Variants in KLF17 observed in about 807,000 individuals in gnomAD.
KLF17 encodes Krueppel-like factor 17.
A neutral mutation model predicts 34.2 loss-of-function variants in KLF17; 31 were observed. That is an observed-to-expected ratio of 0.91 (90% CI 0.68 to 1.22). The LOEUF (loss-of-function observed/expected upper bound fraction) is 1.22, where lower values mean the gene tolerates loss of function less well. KLF17 is among the 50% of genes most tolerant of loss of function. The probability of loss-of-function intolerance (pLI) is 0.00; values close to 1 mark genes in which losing one functional copy is unlikely to be tolerated. For missense variants in KLF17, 478 were observed against 505.2 expected, an observed-to-expected ratio of 0.95 and a Z score of 0.52; for synonymous variants, 179 against 186.7, an observed-to-expected ratio of 0.96 and a Z score of 0.34.
chr1:44,104,141 C>A, the KLF17 span: 2 of 1,049,676 alleles, frequency 1.9e-6, no homozygotes, highest in South Asian at 2.5e-5. Flanking sequence ...CCAGGCCAGA[C>A]TCCAGCTCTA....
At chr1:44,114,247 T>C (rs780952034), upstream of KLF17, 3 of 152,224 alleles carry the variant, frequency 2.0e-5, no homozygotes, top group Non-Finnish European at 4.4e-5. Context: ...TGGTTGCTAA[T>C]GAAGCGAGAA....
chr1:44,122,874 C>G (rs546794973), intron 1 of KLF17, among the ~76,000 whole-genome samples: 106 of 152,288 alleles, frequency 7.0e-4, no homozygotes, highest in African/African-American at 2.1e-3. Context: ...ACTAGAATTA[C>G]AGGCATGAGC....
chr1:44,048,543 C>T, the KLF17 span: 1 of 152,184 alleles, frequency 6.6e-6, no homozygotes, highest in Non-Finnish European at 1.5e-5. Flanking sequence ...GTACTGCACT[C>T]TTTTTGTGTT....
chr1:44,073,982 TAGAATAGTTCCTGGCACGC>T, the KLF17 span, among the ~76,000 whole-genome samples: 1 of 152,316 alleles, frequency 6.6e-6, no homozygotes, highest in South Asian at 2.1e-4. Flanking sequence ...CCCCAACTCT[TAGAATAGTTCCTGGCACGC>T]AGTAGCTGCC....
chr1:44,107,643 A>T, the KLF17 span, among the ~76,000 whole-genome samples: 1 of 152,234 alleles, frequency 6.6e-6, no homozygotes, highest in African/African-American at 2.4e-5. Flanking sequence ...CACTCTGTCT[A>T]TGCTACCCTT....
chr1:44,067,577 C>A, the KLF17 span, among the ~76,000 whole-genome samples: 1 of 152,154 alleles, frequency 6.6e-6, no homozygotes, highest in Admixed American at 6.5e-5. Context: ...AGCCTGGACC[C>A]ACAGGGAGCA....
intron 1 of KLF17, among the ~76,000 whole-genome samples, chr1:44,126,566 G>T (rs1032611571): frequency 7.0e-6 from 1 of 142,072 alleles, no homozygotes; most frequent in Non-Finnish European, 1.6e-5. Context: ...GAGGATACAG[G>T]TTCCTGGTGC....
At chr1:44,125,257 G>T (rs2087994194) in intron 1 of KLF17, among the ~76,000 whole-genome samples, 1 of 152,136 alleles carries the variant, frequency 6.6e-6, no homozygotes. Flanking sequence ...GTCTACCTGG[G>T]AATGTCTAAT....
the KLF17 span, chr1:44,104,502 T>C: frequency 1.3e-6 from 1 of 755,296 alleles, no homozygotes; most frequent in Admixed American, 1.7e-5. Context: ...CTGCTCCTTC[T>C]CCTGGGTGCG....
At chr1:44,102,888 T>C in the KLF17 span, among the ~76,000 whole-genome samples, 3 of 151,972 alleles carry the variant, frequency 2.0e-5, no homozygotes, top group Non-Finnish European at 2.9e-5. Context: ...GTCATATATA[T>C]AATATAATAT....
At chr1:44,103,759 G>T in the KLF17 span, 1 of 1,155,372 alleles carries the variant, frequency 8.7e-7, no homozygotes, top group Non-Finnish European at 1.3e-6. Context: ...TCCTCAGGCT[G>T]CTCGGCATCT....
chr1:44,127,123 G>A lies in KLF17; in HGVS notation c.82-2230G>A, dbSNP rs576899204. 2.1e-4 allele frequency among the ~76,000 whole-genome samples: 32 copies of A among 149,656 alleles called. No homozygotes were observed. The South Asian group carries it at 5.9e-3, about 28-fold the overall frequency. ...GAGGATTCCCTATGTTGCTCAGGCT[G>A]GTCTTGAACTCCTGGACTCAAGAGA... On this transcript the variant is annotated intron_variant, in intron 1 of 3. Coordinates refer to ENST00000372299, the MANE Select transcript of KLF17 (RefSeq NM_173484.4).
At chr1:44,087,093 T>C in the KLF17 span, among the ~76,000 whole-genome samples, 1 of 152,220 alleles carries the variant, frequency 6.6e-6, no homozygotes, top group East Asian at 1.9e-4. Context: ...CTAATACAAA[T>C]TGAGGGTTGA....
At chr1:44,096,870 G>C in the KLF17 span, among the ~76,000 whole-genome samples, 1 of 152,102 alleles carries the variant, frequency 6.6e-6, no homozygotes, top group African/African-American at 2.4e-5. Flanking sequence ...TGTTGCCATT[G>C]CTTTTGGTGT....
the KLF17 span, among the ~76,000 whole-genome samples, chr1:44,078,540 C>T: frequency 6.6e-6 from 1 of 151,524 alleles, no homozygotes; most frequent in Admixed American, 6.6e-5. Context: ...TGGGTTCAAG[C>T]AATTCCCCTG....
the KLF17 span, among the ~76,000 whole-genome samples, chr1:44,077,040 C>CT: frequency 1.6e-4 from 23 of 147,022 alleles, no homozygotes; most frequent in African/African-American, 5.7e-4. Flanking sequence ...CAGCCTTTTT[C>CT]TTTCTTTTTT....
At chr1:44,055,953 A>C in the KLF17 span, among the ~76,000 whole-genome samples, 1 of 152,348 alleles carries the variant, frequency 6.6e-6, no homozygotes, top group South Asian at 2.1e-4. Context: ...ACGAATATTT[A>C]CCCATGTCTC....
At chr1:44,127,692 T>TTCTTTCTTTCTTTCTTTCTTTTTCTTTC (rs753421834) in intron 1 of KLF17, among the ~76,000 whole-genome samples, 2 of 90,136 alleles carry the variant, frequency 2.2e-5, no homozygotes, top group African/African-American at 5.5e-5. Context: ...CTTTCTTTCT[T>TTCTTTCTTTCTTTCTTTCTTTTTCTTTC]TTTCTTTCTT....
the KLF17 span, among the ~76,000 whole-genome samples, chr1:44,100,479 G>T: frequency 2.0e-5 from 3 of 151,912 alleles, no homozygotes; most frequent in Admixed American, 2.0e-4. Flanking sequence ...CTAAGAATGA[G>T]GGGGGGAACC....
Sources: gnomAD v4.1 joint callset for allele counts (sites outside exome capture counted in the v4.1 genomes callset) on GRCh38, gnomAD v4.1.1 for gene constraint, MANE v1.5 for transcripts, NCBI Gene and HGNC (gene_info 2026-07-23, HGNC 2026-07-21) for gene names.